The following JAZF1 variants were observed in gnomAD, a reference collection of about 807,000 sequenced individuals.
The protein encoded by JAZF1 is JAZF zinc finger 1.
Under a neutral mutation model 26.4 loss-of-function variants are expected in JAZF1, and 8 were observed. The ratio of observed to expected loss-of-function variants is 0.30; its 90% CI spans 0.18 to 0.55. JAZF1 has a LOEUF of 0.55. JAZF1 is among the 20% of genes least tolerant of loss of function. JAZF1 has a pLI of 0.94. For missense variants in JAZF1, 199 were observed against 322.0 expected, an observed-to-expected ratio of 0.62 and a Z score of 2.92; for synonymous variants, 126 against 122.3, an observed-to-expected ratio of 1.03 and a Z score of -0.20.
chr7:27,891,727 G>A (rs77915359), intron 3 of JAZF1, among the ~76,000 whole-genome samples: 2,050 of 152,274 alleles, frequency 0.013, 34 homozygotes, highest in Non-Finnish European at 0.02. Flanking sequence ...TACACAGGAG[G>A]CTGACGTGAG....
At position 27,930,027 on chromosome 7, in the gene JAZF1, G is replaced by A. The variant is rs926912997; in HGVS notation, c.189-34611C>T. 2.1e-5 allele frequency among the ~76,000 whole-genome samples: 3 copies of A among 141,508 alleles called. No homozygotes were observed. The East Asian group carries it at 6.3e-4, about 30-fold the overall frequency. The allele number at this position is 141,508 out of a possible 152,430, so 92.8% of individuals were successfully genotyped here. On this transcript the variant is annotated intron_variant, in intron 2 of 4. Transcript: ENST00000283928. ...TTCTTTCTTTTTGAGACGGAGTCTT[G>A]CTCTGTCGCCCAGGCTGGAGTCCAG...
At chr7:28,165,500 G>T (rs1227276891) in intron 1 of JAZF1, among the ~76,000 whole-genome samples, 3 of 152,082 alleles carry the variant, frequency 2.0e-5, no homozygotes, top group Non-Finnish European at 4.4e-5. Flanking sequence ...CATCCTTTGG[G>T]GCTGGAATTA....
At chr7:28,022,455 T>C (rs1009365823) in intron 1 of JAZF1, among the ~76,000 whole-genome samples, 2 of 152,238 alleles carry the variant, frequency 1.3e-5, no homozygotes, top group Non-Finnish European at 1.5e-5. Flanking sequence ...GCCAACAAAG[T>C]TCAGCTGTGG....
At chr7:27,959,743 T>TA (rs111393778) in intron 2 of JAZF1, among the ~76,000 whole-genome samples, 31,689 of 151,714 alleles carry the variant, frequency 0.21, 3,760 homozygotes, top group East Asian at 0.48. Flanking sequence ...CTACTAAAAA[T>TA]AAAAAAATTA....
intron 3 of JAZF1, among the ~76,000 whole-genome samples, chr7:27,869,449 C>G (rs138383831): frequency 9.2e-5 from 14 of 152,300 alleles, no homozygotes; most frequent in African/African-American, 3.4e-4. Flanking sequence ...GGACTCTAGA[C>G]AGCAGTAGCT....
intron 1 of JAZF1, among the ~76,000 whole-genome samples, chr7:28,100,301 G>C (rs1784453233): frequency 6.6e-6 from 1 of 151,942 alleles, no homozygotes; most frequent in South Asian, 2.1e-4. Context: ...ATGAACTCTG[G>C]GTTTTAGATT....
At chr7:28,006,505 A>C (rs1199117243) in intron 1 of JAZF1, among the ~76,000 whole-genome samples, 1 of 152,248 alleles carries the variant, frequency 6.6e-6, no homozygotes, top group Non-Finnish European at 1.5e-5. Flanking sequence ...ATAGTTCTCA[A>C]GTAGCAATAA....
chr7:27,991,092 C>T (rs182017682), intron 2 of JAZF1, among the ~76,000 whole-genome samples: 2 of 152,326 alleles, frequency 1.3e-5, no homozygotes, highest in East Asian at 3.9e-4. Flanking sequence ...TCATTCCCAG[C>T]TTTCCACTTC....
intron 3 of JAZF1, among the ~76,000 whole-genome samples, chr7:27,857,091 G>A (rs549667906): frequency 1.5e-3 from 233 of 152,362 alleles, no homozygotes; most frequent in Non-Finnish European, 2.4e-3. Context: ...GGAACTGGGC[G>A]CCGTGGAGCA....
chr7:28,166,542 AT>A (rs1469916166), intron 1 of JAZF1, among the ~76,000 whole-genome samples: 1 of 152,190 alleles, frequency 6.6e-6, no homozygotes, highest in Admixed American at 6.5e-5. Context: ...CACATATAAA[AT>A]CATCTCTTGT....
At chr7:27,896,422 G>T (rs1691191720) in intron 2 of JAZF1, among the ~76,000 whole-genome samples, 1 of 152,266 alleles carries the variant, frequency 6.6e-6, no homozygotes, top group Admixed American at 6.5e-5. Flanking sequence ...ATGTATGATA[G>T]CGTTCAGATG....
chr7:27,833,004 C>G, intron 4 of JAZF1, 28 bp from the exon 5 acceptor site: 3 of 1,506,640 alleles, frequency 2.0e-6, no homozygotes, highest in Non-Finnish European at 2.7e-6. Context: ...ATATTTATTA[C>G]ATGGATTCAC....
intron 1 of JAZF1, among the ~76,000 whole-genome samples, chr7:28,089,862 A>G (rs1405080334): frequency 2.6e-5 from 4 of 152,240 alleles, no homozygotes; most frequent in African/African-American, 9.6e-5. Flanking sequence ...TTAGCTGAGG[A>G]AATTTCTAAG....
intron 3 of JAZF1, among the ~76,000 whole-genome samples, chr7:27,849,752 G>GACACACACACACACACACACAC (rs72394231): frequency 0.056 from 6,080 of 108,314 alleles, 165 homozygotes; most frequent in Non-Finnish European, 0.072. Context: ...CTTACACACA[G>GACACACACACACACACACACAC]ACACACACAC....
intron 1 of JAZF1, among the ~76,000 whole-genome samples, chr7:28,176,535 C>A (rs1783554245): frequency 6.6e-6 from 1 of 152,192 alleles, no homozygotes; most frequent in Non-Finnish European, 1.5e-5. Context: ...TTTCTCTTTT[C>A]TGTATCACTA....
intron 2 of JAZF1, among the ~76,000 whole-genome samples, chr7:27,924,941 C>T (rs749625273): frequency 1.7e-4 from 26 of 152,346 alleles, no homozygotes; most frequent in Middle Eastern, 3.4e-3. Context: ...CACACAGTGA[C>T]TGACTACAAT....
At chr7:28,075,803 T>C (rs1784042570) in intron 1 of JAZF1, among the ~76,000 whole-genome samples, 1 of 152,230 alleles carries the variant, frequency 6.6e-6, no homozygotes, top group African/African-American at 2.4e-5. Flanking sequence ...ATTCTAGAAA[T>C]GGGCTTGCTA....
chr7:28,036,262 T>A (rs1353768865), intron 1 of JAZF1, among the ~76,000 whole-genome samples: 1 of 152,238 alleles, frequency 6.6e-6, no homozygotes, highest in Non-Finnish European at 1.5e-5. Context: ...CTGCCTAGAA[T>A]AAACTTCAGG....
chr7:27,891,076 G>T (rs111346549), intron 3 of JAZF1, among the ~76,000 whole-genome samples: 1 of 152,040 alleles, frequency 6.6e-6, no homozygotes, highest in South Asian at 2.1e-4. Context: ...AGGCGTGAGC[G>T]ACCGTGCCTG....
Sources: gnomAD v4.1 joint callset for allele counts (sites outside exome capture counted in the v4.1 genomes callset) on GRCh38, gnomAD v4.1.1 for gene constraint, MANE v1.5 for transcripts, NCBI Gene and HGNC (gene_info 2026-07-23, HGNC 2026-07-21) for gene names.